Variants in PPP1R1C observed in about 807,000 individuals in gnomAD.
PPP1R1C encodes protein phosphatase 1 regulatory inhibitor subunit 1C.
A neutral mutation model predicts 17.4 loss-of-function variants in PPP1R1C; 15 were observed. The ratio of observed to expected loss-of-function variants is 0.86; its 90% CI spans 0.58 to 1.33. PPP1R1C has a LOEUF of 1.33. Ranked by LOEUF, PPP1R1C falls within the 40% of genes most tolerant of loss-of-function variation. The pLI, the probability that PPP1R1C is intolerant of heterozygous loss-of-function variation, is 0.00. For missense variants in PPP1R1C, 143 were observed against 130.0 expected (o/e 1.10, Z -0.48); for synonymous variants, 35 against 43.1 (o/e 0.81, Z 0.73).
chr2:182,123,377 A>G (rs937142418), intron 5 of PPP1R1C, among the ~76,000 whole-genome samples: 2 of 152,214 alleles, frequency 1.3e-5, no homozygotes, highest in African/African-American at 2.4e-5. Context: ...CAGAAATGGA[A>G]TTGCTGGGTC....
chr2:182,025,472 T>C (rs1389427025), intron 2 of PPP1R1C, among the ~76,000 whole-genome samples: 2 of 132,346 alleles, frequency 1.5e-5, no homozygotes, highest in African/African-American at 2.9e-5. Context: ...GGTTTTTTGT[T>C]CTTGCGATAG....
intron 2 of PPP1R1C, among the ~76,000 whole-genome samples, chr2:182,013,383 T>A (rs1030741621): frequency 6.6e-6 from 1 of 152,152 alleles, no homozygotes; most frequent in African/African-American, 2.4e-5. Context: ...AAGGTTTCCA[T>A]TGAGAAGTCT....
At chr2:181,990,774 T>C (rs77376382) in intron 2 of PPP1R1C, among the ~76,000 whole-genome samples, 5,223 of 152,286 alleles carry the variant, frequency 0.034, 315 homozygotes, top group African/African-American at 0.12. Context: ...AAAACACTCA[T>C]AAGTGTTAAA....
At chr2:182,015,600 C>T (rs1486860243) in intron 2 of PPP1R1C, among the ~76,000 whole-genome samples, 1 of 152,034 alleles carries the variant, frequency 6.6e-6, no homozygotes, top group African/African-American at 2.4e-5. Flanking sequence ...TTATTCAATG[C>T]CCAAGAAAAT....
chr2:181,962,354 G>C lies in PPP1R1C; in HGVS notation n.111+7720G>C. 1.1e-6 allele frequency: 1 copy of C among 948,518 alleles called. No homozygotes were observed. The highest frequency in any genetic ancestry group is 1.4e-5 in the South Asian group (1 of 72,038). The allele number at this position is 948,518 out of a possible 1,614,324, so 58.8% of individuals were successfully genotyped here. ...GCGGGACACGGATATCCGGGAACCA[G>C]AGCCCCCGGCGCCTGCATAGACGCT... On this transcript the variant is annotated intron_variant and non_coding_transcript_variant, in intron 1 of 5. Coordinates refer to the PPP1R1C transcript ENST00000464264. The surrounding 1 kb of genome is among the most constrained non-coding windows in gnomAD (Gnocchi z 6.0).
At chr2:182,093,008 G>A (rs1157832499) in intron 4 of PPP1R1C, among the ~76,000 whole-genome samples, 3 of 152,200 alleles carry the variant, frequency 2.0e-5, no homozygotes, top group South Asian at 4.1e-4. Context: ...GGGACTCTTT[G>A]TGGGGGCTTT....
At chr2:182,027,766 G>C (rs1410011437) in intron 2 of PPP1R1C, among the ~76,000 whole-genome samples, 1 of 150,958 alleles carries the variant, frequency 6.6e-6, no homozygotes, top group Non-Finnish European at 1.5e-5. Flanking sequence ...CTATTCATTG[G>C]AATAGTTTCA....
At chr2:181,977,710 GT>G (rs1559043134) in intron 2 of PPP1R1C, among the ~76,000 whole-genome samples, 1 of 152,140 alleles carries the variant, frequency 6.6e-6, no homozygotes, top group Non-Finnish European at 1.5e-5. Context: ...TATGTCCATA[GT>G]TTCTGTAGGT....
intron 2 of PPP1R1C, among the ~76,000 whole-genome samples, chr2:181,993,612 T>C (rs1038092882): frequency 4.6e-5 from 7 of 152,200 alleles, no homozygotes; most frequent in African/African-American, 1.7e-4. Context: ...TTAGCTAGTA[T>C]TAATTTTTAA....
chr2:181,981,786 G>T (rs1685197973), upstream of PPP1R1C, among the ~76,000 whole-genome samples: 1 of 152,196 alleles, frequency 6.6e-6, no homozygotes, highest in African/African-American at 2.4e-5. Context: ...GGACATACAA[G>T]GGAGTGCATC....
chr2:182,115,151 G>A (rs967034998), intron 4 of PPP1R1C, among the ~76,000 whole-genome samples: 1 of 152,074 alleles, frequency 6.6e-6, no homozygotes, highest in African/African-American at 2.4e-5. Context: ...CCTCAGCTAA[G>A]GAAGAAGAGT....
intron 5 of PPP1R1C, among the ~76,000 whole-genome samples, chr2:182,126,755 A>C (rs1445035829): frequency 6.6e-6 from 1 of 152,048 alleles, no homozygotes; most frequent in Non-Finnish European, 1.5e-5. Context: ...GTAGGGGTGC[A>C]GCCACTTCCC....
At chr2:182,071,765 A>G (rs1353323032) in intron 4 of PPP1R1C, among the ~76,000 whole-genome samples, 1 of 152,146 alleles carries the variant, frequency 6.6e-6, no homozygotes, top group Admixed American at 6.5e-5. Flanking sequence ...TTGGATTATA[A>G]CTCAATACTA....
chr2:182,085,283 C>T (rs1409267439), intron 4 of PPP1R1C, among the ~76,000 whole-genome samples: 2 of 152,006 alleles, frequency 1.3e-5, no homozygotes, highest in African/African-American at 4.8e-5. Flanking sequence ...CTGGCTAGGA[C>T]TTCCTGAAGG....
chr2:181,983,057 C>G (rs1574351060), upstream of PPP1R1C, among the ~76,000 whole-genome samples: 1 of 152,234 alleles, frequency 6.6e-6, no homozygotes, highest in East Asian at 1.9e-4. Flanking sequence ...TTAATAGTAT[C>G]CTAGTCATGC....
upstream of PPP1R1C, among the ~76,000 whole-genome samples, chr2:181,984,878 T>C (rs1029547326): frequency 6.6e-6 from 1 of 152,152 alleles, no homozygotes; most frequent in African/African-American, 2.4e-5. Flanking sequence ...TTCATAAAAG[T>C]ATTCGAATGC....
intron 4 of PPP1R1C, among the ~76,000 whole-genome samples, chr2:182,105,695 G>A (rs1689225102): frequency 6.6e-6 from 1 of 152,198 alleles, no homozygotes; most frequent in African/African-American, 2.4e-5. Context: ...ATTTGATATA[G>A]TCTGATAGCA....
intron 4 of PPP1R1C, among the ~76,000 whole-genome samples, chr2:182,092,092 G>C (rs1387524350): frequency 6.6e-6 from 1 of 152,206 alleles, no homozygotes; most frequent in African/African-American, 2.4e-5. Context: ...GAGGGCTAGA[G>C]AGAGTGTATT....
At chr2:182,081,890 G>T (rs1168028036) in intron 4 of PPP1R1C, among the ~76,000 whole-genome samples, 1 of 152,110 alleles carries the variant, frequency 6.6e-6, no homozygotes. Context: ...CACATAAAAA[G>T]TCATAAATAT....
Sources: allele counts gnomAD v4.1 joint callset (sites outside exome capture counted in the v4.1 genomes callset), GRCh38; gene constraint gnomAD v4.1.1; non-coding constraint Gnocchi (gnomAD v3.1); transcripts MANE v1.5; gene names NCBI Gene and HGNC (gene_info 2026-07-23, HGNC 2026-07-21).